ACTR3C: variants seen among roughly 807,000 people sequenced by gnomAD.
ACTR3C encodes the protein actin related protein 3C, also known as actin-related protein 3C.
ACTR3C carries 18 observed loss-of-function variants against 26.3 expected under a neutral mutation model. The observed-to-expected ratio is 0.68, with a 90% CI of 0.47 to 1.01. The LOEUF (loss-of-function observed/expected upper bound fraction) is 1.01, where lower values mean the gene tolerates loss of function less well. Ranked by LOEUF, ACTR3C falls within the 50% of genes least tolerant of loss-of-function variation. ACTR3C has a pLI of 0.00. For missense variants in ACTR3C, 184 were observed against 250.7 expected, an observed-to-expected ratio of 0.73 and a Z score of 1.80; for synonymous variants, 55 against 94.5, an observed-to-expected ratio of 0.58 and a Z score of 2.42.
chr7:150,120,054 G>A, the ACTR3C span, among the ~76,000 whole-genome samples: 4 of 152,118 alleles, frequency 2.6e-5, no homozygotes, highest in African/African-American at 9.7e-5. Context: ...AAGACACAAT[G>A]TACCAGAATC....
At chr7:150,139,343 TAA>T in the ACTR3C span, among the ~76,000 whole-genome samples, 326 of 141,636 alleles carry the variant, frequency 2.3e-3, no homozygotes, top group African/African-American at 7.8e-3. Context: ...CTGGCCCTGG[TAA>T]AAAAAAATAA....
At position 150,249,183 on chromosome 7, in the gene ACTR3C, A is replaced by G. The variant is rs186838906; in HGVS notation, c.565-129T>C. 3.2e-4 allele frequency: 138 copies of G among 432,058 alleles called. 1 individual carries two copies. Among genetic ancestry groups the G allele is most frequent in the African/African-American group, 2.6e-3 (132 of 49,958 alleles). The allele number at this position is 432,058 out of a possible 1,614,324, so 26.8% of individuals were successfully genotyped here. On this transcript the variant is annotated intron_variant, in intron 6 of 7. Transcript: ENST00000683684. ...TTTAAAGCAGCCAGGGAGAAATGAA[A>G]TGTTGCTTAAAGGAGAACACCAATT...
the ACTR3C span, among the ~76,000 whole-genome samples, chr7:150,043,204 T>G: frequency 2.7e-5 from 4 of 150,860 alleles, no homozygotes; most frequent in African/African-American, 7.3e-5. Context: ...AGATTTGAGC[T>G]TTCTTCTTGA....
At chr7:149,918,808 C>T in the ACTR3C span, among the ~76,000 whole-genome samples, 1 of 152,200 alleles carries the variant, frequency 6.6e-6, no homozygotes, top group African/African-American at 2.4e-5. Context: ...TCGTGCCTGA[C>T]TTTAGAGATA....
the ACTR3C span, among the ~76,000 whole-genome samples, chr7:150,010,652 C>T: frequency 2.0e-5 from 3 of 149,914 alleles, no homozygotes; most frequent in African/African-American, 4.9e-5. Flanking sequence ...CGAGATTGCG[C>T]CACTGCACTC....
At chr7:150,028,489 C>G in the ACTR3C span, among the ~76,000 whole-genome samples, 2 of 152,418 alleles carry the variant, frequency 1.3e-5, no homozygotes. Context: ...CCTCTGGTGG[C>G]CCAGTTTACT....
At chr7:150,046,356 C>CCCCT in the ACTR3C span, among the ~76,000 whole-genome samples, 1 of 80,306 alleles carries the variant, frequency 1.2e-5, no homozygotes, top group African/African-American at 3.8e-5. Flanking sequence ...CGCCCCCCCC[C>CCCCT]CCCCGACCCA....
intron 1 of ACTR3C, among the ~76,000 whole-genome samples, chr7:150,311,527 T>C (rs1796319584): frequency 6.6e-6 from 1 of 152,336 alleles, no homozygotes; most frequent in East Asian, 1.9e-4. Context: ...TATTCACTCT[T>C]TATTGAAACC....
chr7:150,189,120 A>G, the ACTR3C span, among the ~76,000 whole-genome samples: 2 of 151,238 alleles, frequency 1.3e-5, no homozygotes, highest in Admixed American at 6.6e-5. Flanking sequence ...CTCATTATCT[A>G]CAATGCATTT....
chr7:150,111,462 CCA>C, the ACTR3C span, among the ~76,000 whole-genome samples: 6 of 94,004 alleles, frequency 6.4e-5, no homozygotes, highest in Admixed American at 1.1e-4. Context: ...ACTCACTCCC[CCA>C]CACTCACACA....
At chr7:150,039,005 G>GGGT in the ACTR3C span, among the ~76,000 whole-genome samples, 2 of 46,706 alleles carry the variant, frequency 4.3e-5, 1 homozygote, top group African/African-American at 1.4e-4. Context: ...GAGCCGGGGG[G>GGGT]CGGGGAAGAG....
At chr7:150,228,294 T>C in the ACTR3C span, among the ~76,000 whole-genome samples, 2 of 152,252 alleles carry the variant, frequency 1.3e-5, no homozygotes, top group Non-Finnish European at 2.9e-5. Flanking sequence ...TAATTTCACA[T>C]CCTAATGTCT....
chr7:150,213,034 T>C, the ACTR3C span, among the ~76,000 whole-genome samples: 1 of 151,560 alleles, frequency 6.6e-6, no homozygotes, highest in Non-Finnish European at 1.5e-5. Context: ...AAACGACAGA[T>C]ACCAATGGTC....
chr7:150,042,522 A>G, the ACTR3C span, among the ~76,000 whole-genome samples: 1,251 of 114,304 alleles, frequency 0.011, 19 homozygotes, highest in African/African-American at 0.026. Flanking sequence ...CCCCTGCGAT[A>G]GTGGTCCCAA....
the ACTR3C span, among the ~76,000 whole-genome samples, chr7:150,041,802 C>T: frequency 1.4e-5 from 2 of 139,184 alleles, no homozygotes; most frequent in South Asian, 4.7e-4. Flanking sequence ...GGGGTGCCTC[C>T]CCCCCTGCGA....
the ACTR3C span, among the ~76,000 whole-genome samples, chr7:150,133,154 C>G: frequency 6.6e-6 from 1 of 152,152 alleles, no homozygotes; most frequent in Admixed American, 6.5e-5. Flanking sequence ...ACAGGCAGCT[C>G]TCATGCTCCC....
rs552660361 is a variant in ACTR3C at position 150,249,264 on chromosome 7, C to T, written c.565-210G>A. On this transcript the variant is annotated intron_variant, in intron 6 of 7. Coordinates refer to ENST00000683684, the MANE Select transcript of ACTR3C (RefSeq NM_001164458.2). ...ATGGAGACCAGAAATGAATGAAGTG[C>T]TTTTCCAAGTGCTGAAAGAAAATAA... Among the ~76,000 whole-genome samples, 995 of 152,202 alleles carry T rather than the reference C, an allele frequency of 6.5e-3. 9 individuals are homozygous for T. The highest frequency in any genetic ancestry group is 0.023 in the African/African-American group (940 of 41,520).
chr7:150,041,726 CCT>C, the ACTR3C span, among the ~76,000 whole-genome samples: 577 of 116,140 alleles, frequency 5.0e-3, 64 homozygotes, highest in African/African-American at 0.019. Flanking sequence ...GCCTCCCCCT[CCT>C]GCGATGGGGG....
chr7:150,037,455 G>T, the ACTR3C span, among the ~76,000 whole-genome samples: 3 of 58,348 alleles, frequency 5.1e-5, 1 homozygote, highest in Non-Finnish European at 1.2e-4. Flanking sequence ...GCCTCGCGGG[G>T]GGTGCCTCCC....
Sources: gnomAD v4.1 joint callset for allele counts (sites outside exome capture counted in the v4.1 genomes callset) on GRCh38, gnomAD v4.1.1 for gene constraint, MANE v1.5 for transcripts, NCBI Gene and HGNC (gene_info 2026-07-23, HGNC 2026-07-21) for gene names.